The following SEMA6D variants were observed in gnomAD, a reference collection of about 807,000 sequenced individuals.
SEMA6D encodes the protein semaphorin-6D.
SEMA6D carries 35 observed loss-of-function variants against 106.6 expected under a neutral mutation model. The ratio of observed to expected loss-of-function variants is 0.33; its 90% confidence interval spans 0.25 to 0.44. The LOEUF is 0.44. Among genes scored for constraint, SEMA6D ranks in the 20% least tolerant of loss-of-function variants. SEMA6D has a pLI of 1.00. For missense variants in SEMA6D, 1,185 were observed against 1,345.9 expected, an observed-to-expected ratio of 0.88 and a Z score of 1.87; for synonymous variants, 499 against 487.7, an observed-to-expected ratio of 1.02 and a Z score of -0.31.
At chr15:47,422,180 G>GCCTTCCTTCCTTCCTTCCTTCCTTCCTT (rs68039702) in intron 2 of SEMA6D, among the ~76,000 whole-genome samples, 4 of 112,874 alleles carry the variant, frequency 3.5e-5, no homozygotes, top group Non-Finnish European at 5.6e-5. Flanking sequence ...CCGCCTGCCT[G>GCCTTCCTTCCTTCCTTCCTTCCTTCCTT]CCTTCCTTCC....
intron 1 of SEMA6D, among the ~76,000 whole-genome samples, chr15:47,314,618 A>G (rs950179425): frequency 7.0e-6 from 1 of 143,126 alleles, no homozygotes; most frequent in African/African-American, 2.5e-5. Flanking sequence ...AAAAAAAAAA[A>G]GAATTCTTTG....
At chr15:47,383,946 T>A (rs1019206758) in intron 1 of SEMA6D, among the ~76,000 whole-genome samples, 1 of 152,220 alleles carries the variant, frequency 6.6e-6, no homozygotes, top group Admixed American at 6.5e-5. Context: ...ACAAAGCACA[T>A]GCACATATAT....
chr15:47,413,966 T>G (rs1461324561), intron 2 of SEMA6D, among the ~76,000 whole-genome samples: 1 of 152,212 alleles, frequency 6.6e-6, no homozygotes, highest in Non-Finnish European at 1.5e-5. Flanking sequence ...TCATATTTAG[T>G]CCTTTTAGTA....
chr15:47,572,911 A>G (rs999340185), intron 3 of SEMA6D, among the ~76,000 whole-genome samples: 1 of 152,206 alleles, frequency 6.6e-6, no homozygotes, highest in African/African-American at 2.4e-5. Flanking sequence ...TCCTCATGGA[A>G]TTACATCCTA....
chr15:47,504,376 C>G (rs927217813), intron 3 of SEMA6D, among the ~76,000 whole-genome samples: 1 of 152,120 alleles, frequency 6.6e-6, no homozygotes, highest in Non-Finnish European at 1.5e-5. Context: ...CTAGGCAGCC[C>G]TCTCTCTTCT....
At position 47,761,325 on chromosome 15, in the gene SEMA6D, T is replaced by C; in HGVS notation, c.346-5T>C. 1 of 1,611,956 alleles carries C rather than the reference T, an allele frequency of 6.2e-7. No homozygotes were observed. Among genetic ancestry groups the C allele is most frequent in the Non-Finnish European group, 8.5e-7 (1 of 1,179,140 alleles). ...TAATATTAATGTAACTACTACTTTC[T>C]TTAGGATGAATGCCACAACTTTATC... is the stretch of plus-strand genomic sequence containing the variant. On this transcript the variant is annotated splice_region_variant and splice_polypyrimidine_tract_variant and intron_variant, in intron 5 of 18. Transcript: ENST00000536845.
At chr15:47,571,650 T>C (rs866065690) in intron 3 of SEMA6D, among the ~76,000 whole-genome samples, 1 of 152,358 alleles carries the variant, frequency 6.6e-6, no homozygotes, top group Middle Eastern at 3.4e-3. Flanking sequence ...CTAAAACTTT[T>C]ATTTAACAGC....
At chr15:47,257,889 C>T (rs1211366679) in intron 1 of SEMA6D, among the ~76,000 whole-genome samples, 5 of 152,092 alleles carry the variant, frequency 3.3e-5, no homozygotes, top group African/African-American at 1.2e-4. Context: ...GTCTGTTTCT[C>T]CTTTCAGCTG....
In SEMA6D at chr15:47,189,883, G is replaced by A. The variant is rs116492617; in HGVS notation, c.-239+5465G>A. On this transcript the variant is annotated intron_variant, in intron 1 of 19. Coordinates refer to the SEMA6D transcript ENST00000558014. Reference sequence around the variant, plus strand: ...AATTATGATATAAATAGTGCATAAAGCTTTAAAATTTTCATCAAATTAATG... The same window carrying A: ...AATTATGATATAAATAGTGCATAAAACTTTAAAATTTTCATCAAATTAATG... Among the ~76,000 whole-genome samples, 690 of 152,270 alleles carry A rather than the reference G, an allele frequency of 4.5e-3. 4 individuals are homozygous for A. Among genetic ancestry groups the A allele is most frequent in the African/African-American group, 0.016 (673 of 41,552 alleles).
At chr15:47,711,809 G>C (rs1384373028) in intron 4 of SEMA6D, among the ~76,000 whole-genome samples, 6 of 152,168 alleles carry the variant, frequency 3.9e-5, no homozygotes, top group Admixed American at 3.9e-4. Flanking sequence ...CTCTTATTTG[G>C]AAAGATGGAA....
intron 2 of SEMA6D, among the ~76,000 whole-genome samples, chr15:47,445,436 C>A (rs1183846981): frequency 6.6e-6 from 1 of 151,966 alleles, no homozygotes; most frequent in Non-Finnish European, 1.5e-5. Context: ...AGAAAATAAA[C>A]AATACATACC....
At chr15:47,673,098 CTT>C (rs2078169961) in intron 4 of SEMA6D, among the ~76,000 whole-genome samples, 1 of 152,010 alleles carries the variant, frequency 6.6e-6, no homozygotes, top group Non-Finnish European at 1.5e-5. Context: ...CTTGGTGACT[CTT>C]TTCTCACCCC....
At chr15:47,256,405 A>G (rs958630592) in intron 1 of SEMA6D, among the ~76,000 whole-genome samples, 1 of 152,180 alleles carries the variant, frequency 6.6e-6, no homozygotes, top group Non-Finnish European at 1.5e-5. Flanking sequence ...TTCTGCATAC[A>G]GGTCGCATAA....
At chr15:47,478,106 C>T (rs943454847) in intron 3 of SEMA6D, among the ~76,000 whole-genome samples, 11 of 152,122 alleles carry the variant, frequency 7.2e-5, no homozygotes, top group Admixed American at 3.9e-4. Flanking sequence ...GTCTTATAAA[C>T]GAGCACACAG....
At chr15:47,461,084 A>G (rs919461243) in intron 2 of SEMA6D, among the ~76,000 whole-genome samples, 3 of 152,020 alleles carry the variant, frequency 2.0e-5, no homozygotes, top group Admixed American at 6.6e-5. Context: ...TTCTATGCCA[A>G]TGCGTTTGTA....
Position 47,352,577 on chromosome 15 carries a change from A to G in SEMA6D, c.-238-59816A>G, listed in dbSNP as rs926138633. Reference sequence around the variant, plus strand: ...GGAGCTGACCTTGAATGGATGAAGAACTTTCTATTCTGGATCAATTATCGT... The same window carrying G: ...GGAGCTGACCTTGAATGGATGAAGAGCTTTCTATTCTGGATCAATTATCGT... On this transcript the variant is annotated intron_variant, in intron 1 of 19. Coordinates refer to the SEMA6D transcript ENST00000558014. Among the ~76,000 whole-genome samples, 9 of 152,294 alleles carry G rather than the reference A, an allele frequency of 5.9e-5. No individual in the cohort carries two copies. In the East Asian group the frequency reaches 1.7e-3, roughly 29 times the overall value.
At chr15:47,564,295 G>A (rs989570222) in intron 3 of SEMA6D, among the ~76,000 whole-genome samples, 5 of 152,196 alleles carry the variant, frequency 3.3e-5, no homozygotes, top group African/African-American at 9.7e-5. Context: ...TGGTGGTATT[G>A]AAGGTTGTAG....
chr15:47,490,429 A>G (rs1406663096), intron 3 of SEMA6D, among the ~76,000 whole-genome samples: 2 of 152,128 alleles, frequency 1.3e-5, no homozygotes, highest in Non-Finnish European at 1.5e-5. Context: ...GCAGATCACA[A>G]GGTCAGGAGT....
At chr15:47,321,485 T>TATA (rs1383362009) in intron 1 of SEMA6D, among the ~76,000 whole-genome samples, 1 of 152,220 alleles carries the variant, frequency 6.6e-6, no homozygotes, top group Admixed American at 6.5e-5. Context: ...CAATGTCTGT[T>TATA]ATAATTTTTT....
Sources: gnomAD v4.1 joint callset for allele counts (sites outside exome capture counted in the v4.1 genomes callset) on GRCh38, gnomAD v4.1.1 for gene constraint, MANE v1.5 for transcripts, NCBI Gene and HGNC (gene_info 2026-07-23, HGNC 2026-07-21) for gene names.